The following GREM2 variants were observed in gnomAD, a reference collection of about 807,000 sequenced individuals.
GREM2 encodes the protein gremlin-2.
A neutral mutation model predicts 14.2 loss-of-function variants in GREM2; 11 were observed. The observed-to-expected ratio is 0.78, with a 90% confidence interval of 0.49 to 1.28. The LOEUF (loss-of-function observed/expected upper bound fraction) is 1.28, where lower values mean the gene tolerates loss of function less well. Ranked by LOEUF, GREM2 falls within the 50% of genes most tolerant of loss-of-function variation. GREM2 has a pLI of 0.00. For synonymous variants in GREM2, 98 were observed against 97.6 expected, an observed-to-expected ratio of 1.00 and a Z score of -0.02; for missense variants, 210 against 218.5, an observed-to-expected ratio of 0.96 and a Z score of 0.24.
chr1:240,512,337 C>A (rs1019880138), intron 1 of GREM2, among the ~76,000 whole-genome samples: 1 of 152,078 alleles, frequency 6.6e-6, no homozygotes, highest in African/African-American at 2.4e-5. Context: ...CAATATCCTT[C>A]AATATTAATA....
chr1:240,560,021 G>A (rs950141238), intron 1 of GREM2, among the ~76,000 whole-genome samples: 6 of 152,100 alleles, frequency 3.9e-5, no homozygotes, highest in Non-Finnish European at 7.3e-5. Flanking sequence ...CCTGGAGCAC[G>A]CCTGTGGTCC....
intron 1 of GREM2, among the ~76,000 whole-genome samples, chr1:240,495,708 G>A (rs1677397504): frequency 6.6e-6 from 1 of 152,100 alleles, no homozygotes; most frequent in African/African-American, 2.4e-5. Flanking sequence ...CTGAGCTCTG[G>A]GTGAGTATAG....
At chr1:240,506,005 A>T (rs1677669656) in intron 1 of GREM2, among the ~76,000 whole-genome samples, 1 of 152,152 alleles carries the variant, frequency 6.6e-6, no homozygotes, top group Non-Finnish European at 1.5e-5. Flanking sequence ...CCAGTTTGCA[A>T]TACTCTTTAC....
Position 240,563,604 on chromosome 1 carries a change from C to T in GREM2, c.-2+48280G>A, listed in dbSNP as rs531946683. On this transcript the variant is annotated intron_variant, in intron 1 of 1. Transcript: ENST00000318160. The stretch of plus-strand genomic sequence containing the variant: ...GTCAACGGCACCCATCCATGGGAAC[C>T]TTAGGCGGTCTCTATAGCAACTGTT... Among the ~76,000 whole-genome samples, 12 of 152,250 alleles carry T rather than the reference C, an allele frequency of 7.9e-5. No homozygotes were observed. The South Asian group carries it at 2.5e-3, about 32-fold the overall frequency.
At chr1:240,593,478 T>G (rs1348816173) in intron 1 of GREM2, among the ~76,000 whole-genome samples, 1 of 152,222 alleles carries the variant, frequency 6.6e-6, no homozygotes, top group Non-Finnish European at 1.5e-5. Flanking sequence ...TGAGTCTCAG[T>G]ATCCAGATTT....
chr1:240,565,814 C>T (rs1679167434), intron 1 of GREM2, among the ~76,000 whole-genome samples: 1 of 150,452 alleles, frequency 6.6e-6, no homozygotes, highest in African/African-American at 2.5e-5. Context: ...CCACTGCACT[C>T]CAGCCTGGGT....
At chr1:240,502,218 T>C (rs1415431757) in intron 1 of GREM2, among the ~76,000 whole-genome samples, 2 of 152,164 alleles carry the variant, frequency 1.3e-5, no homozygotes, top group Non-Finnish European at 2.9e-5. Flanking sequence ...ATCCTGTCCA[T>C]GCAACCCACC....
intron 1 of GREM2, among the ~76,000 whole-genome samples, chr1:240,515,383 G>A (rs978393262): frequency 2.6e-5 from 4 of 151,934 alleles, no homozygotes; most frequent in Non-Finnish European, 5.9e-5. Context: ...ACTTCTTTTT[G>A]CCTCACTTTC....
chr1:240,549,149 A>G (rs894115020), intron 1 of GREM2, among the ~76,000 whole-genome samples: 5 of 152,180 alleles, frequency 3.3e-5, no homozygotes, highest in African/African-American at 1.2e-4. Context: ...CAGCCCGGCC[A>G]ACATGGAGAA....
intron 1 of GREM2, among the ~76,000 whole-genome samples, chr1:240,607,916 A>C (rs1037427169): frequency 2.0e-5 from 3 of 152,252 alleles, no homozygotes; most frequent in Non-Finnish European, 4.4e-5. Flanking sequence ...AAACACAAGA[A>C]TGTATGTGAA....
rs1431176235 is a variant in GREM2, at chr1:240,491,564, A to C, written c.*1405T>G. The C allele has an allele frequency of 6.6e-6, 1 of 152,498 alleles. No individual in the cohort carries two copies. Among genetic ancestry groups the C allele is most frequent in the African/African-American group, 2.4e-5 (1 of 41,416 alleles). 9.4% of individuals were successfully genotyped at this position (152,498 alleles called of 1,614,324 possible). A position where few individuals can be genotyped will look rare whatever the true frequency, so the allele number is the denominator to read the frequency against. On this transcript the variant is annotated 3_prime_UTR_variant, in exon 2 of 2. Transcript: ENST00000318160. ...CATTATAAACACAAAAGGTGACCTA[A>C]TGTTTGTTCGTCCCTTTTGAAGTCT... is the stretch of plus-strand genomic sequence containing the variant.
chr1:240,594,250 C>T (rs569933959), intron 1 of GREM2, among the ~76,000 whole-genome samples: 13 of 152,126 alleles, frequency 8.5e-5, no homozygotes, highest in Non-Finnish European at 1.6e-4. Context: ...TGAGCCACTG[C>T]TCCCGGCCTC....
intron 1 of GREM2, among the ~76,000 whole-genome samples, chr1:240,583,358 A>G (rs543692511): frequency 1.3e-5 from 2 of 152,352 alleles, no homozygotes; most frequent in African/African-American, 4.8e-5. Context: ...TGTGACAGAT[A>G]GCTAATGACA....
intron 1 of GREM2, among the ~76,000 whole-genome samples, chr1:240,505,582 CT>C (rs1306588895): frequency 6.6e-6 from 1 of 151,916 alleles, no homozygotes; most frequent in Non-Finnish European, 1.5e-5. Context: ...TTCAGTGTTA[CT>C]GGGTATATTT....
intron 1 of GREM2, among the ~76,000 whole-genome samples, chr1:240,522,259 C>T (rs1678118960): frequency 6.6e-6 from 1 of 151,990 alleles, no homozygotes; most frequent in African/African-American, 2.4e-5. Context: ...AGAGCACAGA[C>T]TTTTGAAACG....
chr1:240,544,339 G>A (rs976196571), intron 1 of GREM2, among the ~76,000 whole-genome samples: 2 of 151,942 alleles, frequency 1.3e-5, no homozygotes, highest in East Asian at 3.9e-4. Flanking sequence ...AATAGACGCG[G>A]GGTTTCACCA....
chr1:240,598,725 C>T (rs575508824), intron 1 of GREM2, among the ~76,000 whole-genome samples: 1 of 152,232 alleles, frequency 6.6e-6, no homozygotes, highest in South Asian at 2.1e-4. Flanking sequence ...AGTGAGTAGC[C>T]ATGGAATATG....
chr1:240,502,573 C>A (rs1195991310), intron 1 of GREM2, among the ~76,000 whole-genome samples: 1 of 152,146 alleles, frequency 6.6e-6, no homozygotes, highest in African/African-American at 2.4e-5. Flanking sequence ...TACTCAACTG[C>A]CTATCAAACA....
intron 1 of GREM2, among the ~76,000 whole-genome samples, chr1:240,544,988 C>T (rs999323576): frequency 2.6e-5 from 4 of 152,190 alleles, no homozygotes; most frequent in African/African-American, 9.7e-5. Context: ...ATATTTGGTC[C>T]TCCACCTAGT....
Sources: allele counts gnomAD v4.1 joint callset (sites outside exome capture counted in the v4.1 genomes callset), GRCh38; gene constraint gnomAD v4.1.1; transcripts MANE v1.5; gene names NCBI Gene and HGNC (gene_info 2026-07-23, HGNC 2026-07-21).